Variants in SLC39A12 observed in about 807,000 individuals in gnomAD.
SLC39A12 encodes zinc transporter ZIP12.
A neutral mutation model predicts 71.1 loss-of-function variants in SLC39A12; 63 were observed. The observed-to-expected ratio is 0.89, with a 90% CI of 0.72 to 1.09. SLC39A12 has a LOEUF of 1.09. Among genes scored for constraint, SLC39A12 ranks in the 50% least tolerant of loss-of-function variants. The pLI, the probability that SLC39A12 is intolerant of heterozygous loss-of-function variation, is 0.00. For missense variants in SLC39A12, 892 were observed against 812.6 expected (o/e 1.10, Z -1.19); for synonymous variants, 351 against 301.3 (o/e 1.16, Z -1.71).
intron 3 of SLC39A12, among the ~76,000 whole-genome samples, chr10:17,962,693 G>A (rs574407858): frequency 3.3e-5 from 5 of 152,040 alleles, no homozygotes; most frequent in South Asian, 2.1e-4. Context: ...GAAGCTTAAC[G>A]ACCAGCAAAC....
chr10:18,038,405 C>G (rs944567041), intron 12 of SLC39A12, among the ~76,000 whole-genome samples: 1 of 152,130 alleles, frequency 6.6e-6, no homozygotes. Context: ...AATCCCAGCA[C>G]TTTGGGAGGC....
At chr10:18,036,786 A>ATTTTTTTTTTTTTTTT (rs1407183255) in intron 12 of SLC39A12, among the ~76,000 whole-genome samples, 4 of 9,446 alleles carry the variant, frequency 4.2e-4, no homozygotes, top group Admixed American at 1.9e-3. Context: ...ATATATATAT[A>ATTTTTTTTTTTTTTTT]TATATATATT....
rs1554855475 is a variant in SLC39A12, at chr10:18,036,794, A to ATATATTTTTT, written c.1948-5910_1948-5909insATATTTTTTT. On this transcript the variant is annotated intron_variant, in intron 12 of 12. Coordinates refer to ENST00000377369, the MANE Select transcript of SLC39A12 (RefSeq NM_001145195.2). Reference sequence around the variant, plus strand: ...TATATATATATATATATATATATATATTTTTTTTTTTAATGGAATCTCACT... The same window carrying ATATATTTTTT: ...TATATATATATATATATATATATATATATATTTTTTTTTTTTTTTTTAATGGAATCTCACT... Among the ~76,000 whole-genome samples the ATATATTTTTT allele has an allele frequency of 7.5e-5, 7 of 92,846 alleles. 1 individual carries two copies. Among genetic ancestry groups the ATATATTTTTT allele is most frequent in the Admixed American group, 2.9e-4 (2 of 6,896 alleles). 60.9% of individuals were successfully genotyped at this position (92,846 alleles called of 152,430 possible).
chr10:17,953,132 C>T (rs1834446488), intron 1 of SLC39A12, 59 bp from the exon 2 acceptor site: 15 of 1,043,970 alleles, frequency 1.4e-5, no homozygotes, highest in Non-Finnish European at 2.0e-5. Flanking sequence ...ATTAATGAAT[C>T]CTTTCAAACA....
rs1332882907 is a variant in SLC39A12, at chr10:18,036,765, TATATATATATATATATATATATATA to T, written c.1948-5939_1948-5915del. On this transcript the variant is annotated intron_variant, in intron 12 of 12. Coordinates refer to ENST00000377369, the MANE Select transcript of SLC39A12 (RefSeq NM_001145195.2). ...TAAAAATTATATATATATATATATA[TATATATATATATATATATATATATA>T]TATATTTTTTTTTTTAATGGAATCT... 1.0e-3 allele frequency among the ~76,000 whole-genome samples: 16 copies of T among 15,402 alleles called. 1 individual carries two copies. Among genetic ancestry groups the T allele is most frequent in the South Asian group, 2.1e-3 (1 of 486 alleles). 10.1% of individuals were successfully genotyped at this position (15,402 alleles called of 152,430 possible). A position where few individuals can be genotyped will look rare whatever the true frequency, so the allele number is the denominator to read the frequency against.
chr10:18,013,999 A>C (rs978565828), intron 12 of SLC39A12, among the ~76,000 whole-genome samples: 1 of 152,152 alleles, frequency 6.6e-6, no homozygotes, highest in African/African-American at 2.4e-5. Flanking sequence ...TATTTTTTAA[A>C]AAAAGTGATT....
intron 7 of SLC39A12, among the ~76,000 whole-genome samples, chr10:17,987,879 A>G (rs1187775783): frequency 6.6e-6 from 1 of 152,114 alleles, no homozygotes; most frequent in Non-Finnish European, 1.5e-5. Context: ...TTGAAATAAA[A>G]CAAAGGAAAG....
At position 18,036,794 on chromosome 10, in the gene SLC39A12, AT is replaced by A. The variant is rs746691202; in HGVS notation, c.1948-5900del. ...TATATATATATATATATATATATAT[AT>A]TTTTTTTTTTAATGGAATCTCACTC... is the stretch of plus-strand genomic sequence containing the variant. On this transcript the variant is annotated intron_variant, in intron 12 of 12. Coordinates refer to ENST00000377369, the MANE Select transcript of SLC39A12 (RefSeq NM_001145195.2). Among the ~76,000 whole-genome samples, 19 of 92,856 alleles carry A rather than the reference AT, an allele frequency of 2.0e-4. 1 individual carries two copies. The highest frequency in any genetic ancestry group is 8.8e-4 in the East Asian group (2 of 2,280). The allele number at this position is 92,856 out of a possible 152,430, so 60.9% of individuals were successfully genotyped here.
chr10:17,986,625 A>G (rs2437268), intron 6 of SLC39A12, among the ~76,000 whole-genome samples: 65,077 of 152,134 alleles, frequency 0.43, 14,393 homozygotes, highest in East Asian at 0.55. Context: ...AGGTTTCAAC[A>G]TGTGAATTTT....
chr10:17,969,936 A>T (rs1834927141), intron 4 of SLC39A12, among the ~76,000 whole-genome samples: 1 of 152,050 alleles, frequency 6.6e-6, no homozygotes, highest in African/African-American at 2.4e-5. Context: ...TTAAGTCTTT[A>T]ATCCATTTTG....
intron 10 of SLC39A12, among the ~76,000 whole-genome samples, chr10:17,999,698 A>G (rs1330071265): frequency 6.6e-6 from 1 of 152,180 alleles, no homozygotes; most frequent in African/African-American, 2.4e-5. Context: ...TATTTTGTTC[A>G]ACATGTAACT....
chr10:17,952,242 A>T (rs1457685199), intron 1 of SLC39A12, among the ~76,000 whole-genome samples: 7 of 151,218 alleles, frequency 4.6e-5, no homozygotes, highest in Non-Finnish European at 8.8e-5. Flanking sequence ...CAGAAAGATA[A>T]TTTTTTTTTC....
In SLC39A12 at chr10:17,961,816, A is replaced by C; in HGVS notation, c.497A>C (p.Asp166Ala). 6.2e-7 allele frequency: 1 copy of C among 1,614,058 alleles called. No individual in the cohort carries two copies. The highest frequency in any genetic ancestry group is 8.5e-7 in the Non-Finnish European group (1 of 1,179,980). The change falls in exon 3 of 13, where the codon GAT becomes GCT. Residue 166 changes from aspartate (D) to alanine (A), a missense_variant. By Grantham distance (126) the Asp-to-Ala change is moderately radical (BLOSUM62 -2). Coordinates refer to ENST00000377369, the MANE Select transcript of SLC39A12 (RefSeq NM_001145195.2). ...TTCCTTTCACAGAATGAGACAGAAG[A>C]TATCTTGGCTTTCACCAGGCAGTAC... ...SSFLSQNETE[D>A]ILAFTRQYFD... is the part of the protein sequence containing the mutation.
At chr10:18,013,356 T>A (rs1365884147) in intron 12 of SLC39A12, among the ~76,000 whole-genome samples, 1 of 129,856 alleles carries the variant, frequency 7.7e-6, no homozygotes, top group Non-Finnish European at 1.7e-5. Context: ...TTTATTATTA[T>A]TATTATTATT....
intron 7 of SLC39A12, 32 bp from the exon 8 acceptor site, chr10:17,991,115 TTCTC>T: frequency 1.3e-6 from 2 of 1,515,348 alleles, no homozygotes; most frequent in East Asian, 2.3e-5. Flanking sequence ...ATCTCCATCT[TTCTC>T]TCTGCCTTTT....
intron 4 of SLC39A12, among the ~76,000 whole-genome samples, chr10:17,974,840 C>T (rs1180274507): frequency 1.3e-5 from 2 of 152,226 alleles, no homozygotes; most frequent in African/African-American, 4.8e-5. Flanking sequence ...TTGTGTTCTA[C>T]TCTTCAGGGT....
At chr10:17,973,243 T>C (rs947494130) in intron 4 of SLC39A12, among the ~76,000 whole-genome samples, 4 of 152,162 alleles carry the variant, frequency 2.6e-5, no homozygotes, top group African/African-American at 7.2e-5. Flanking sequence ...TAGTTTATTA[T>C]TTAGTCTTCC....
Position 17,965,548 on chromosome 10 carries a change from T to A in SLC39A12, c.609T>A (p.Ser203Arg), listed in dbSNP as rs41277352. The change falls in exon 4 of 13, where the codon AGT becomes AGA. Residue 203 changes from serine (S) to arginine (R), a missense_variant. By Grantham distance (110) the Ser-to-Arg change is moderately radical. Transcript: ENST00000377369. ...TGAGCAGTGAAGGTGCTAATGAAAG[T>A]ACGCTTCCTCAGTTGGCAGCCATGA... Reference protein sequence around the residue: ...GIVSSEGANESTLPQLAAMII... With the variant: ...GIVSSEGANERTLPQLAAMII... 3.7e-6 allele frequency: 6 copies of A among 1,614,100 alleles called. No individual in the cohort carries two copies. The highest frequency in any genetic ancestry group is 1.6e-4 in the Middle Eastern group (1 of 6,084).
intron 6 of SLC39A12, among the ~76,000 whole-genome samples, chr10:17,982,697 G>A (rs1012773393): frequency 6.7e-6 from 1 of 150,184 alleles, no homozygotes; most frequent in Non-Finnish European, 1.5e-5. Context: ...GATGAAGACA[G>A]CACTGTGGCA....
Sources: allele counts gnomAD v4.1 joint callset (sites outside exome capture counted in the v4.1 genomes callset), GRCh38; gene constraint gnomAD v4.1.1; transcripts MANE v1.5; gene names NCBI Gene and HGNC (gene_info 2026-07-23, HGNC 2026-07-21).